ENTHD1: variants seen among roughly 807,000 people sequenced by gnomAD.
ENTHD1 encodes the protein ENTH domain containing 1.
In ENTHD1, 23 loss-of-function variants were observed where a neutral mutation model predicts 39.1. That is an observed-to-expected ratio of 0.59 (90% CI 0.42 to 0.83). The LOEUF (loss-of-function observed/expected upper bound fraction) is 0.83. Ranked by LOEUF, ENTHD1 falls within the 40% of genes least tolerant of loss-of-function variation. ENTHD1 has a pLI of 0.00. For missense variants in ENTHD1, 624 were observed against 705.4 expected (o/e 0.88, Z 1.31); for synonymous variants, 230 against 258.2 (o/e 0.89, Z 1.05).
In ENTHD1 at chr22:39,807,241, C is replaced by T. The variant is rs369927165; in HGVS notation, c.832+13752G>A. Among the ~76,000 whole-genome samples, 272 of 152,260 alleles carry T rather than the reference C, an allele frequency of 1.8e-3. 11 individuals carry two copies. The South Asian group carries it at 0.056, about 31-fold the overall frequency. Reference sequence around the variant, plus strand: ...TCCTACAGCAAGGATCTGGCTGTATCATGTCCTTGCTTAAAACACATCAAA... The same window carrying T: ...TCCTACAGCAAGGATCTGGCTGTATTATGTCCTTGCTTAAAACACATCAAA... On this transcript the variant is annotated intron_variant, in intron 5 of 6. Transcript: ENST00000325157.
intron 5 of ENTHD1, among the ~76,000 whole-genome samples, chr22:39,786,864 CAG>C (rs2065463208): frequency 6.6e-6 from 1 of 152,190 alleles, no homozygotes; most frequent in South Asian, 2.1e-4. Flanking sequence ...TCACAAATGA[CAG>C]GATTTTTTTA....
Position 39,820,983 on chromosome 22 carries a change from A to G in ENTHD1, c.832+10T>C, listed in dbSNP as rs1349908039. 2.5e-6 allele frequency: 4 copies of G among 1,613,748 alleles called. No homozygotes were observed. Among genetic ancestry groups the G allele is most frequent in the Admixed American group, 1.7e-5 (1 of 59,990 alleles). ...TGATAAGTAAACTTCCTATTCCTTA[A>G]CCAATTTACCTGCACCCGAAAGATT... On this transcript the variant is annotated intron_variant, in intron 5 of 6. Transcript: ENST00000325157.
chr22:39,801,405 CA>C (rs2065597399), intron 5 of ENTHD1, among the ~76,000 whole-genome samples: 1 of 152,194 alleles, frequency 6.6e-6, no homozygotes, highest in Non-Finnish European at 1.5e-5. Context: ...ACATCTGCTG[CA>C]AAACTCTCTA....
intron 5 of ENTHD1, among the ~76,000 whole-genome samples, chr22:39,817,178 A>C (rs1427041550): frequency 6.6e-6 from 1 of 152,166 alleles, no homozygotes; most frequent in Non-Finnish European, 1.5e-5. Flanking sequence ...ATTGATACTG[A>C]TATTCTGAAG....
Position 39,765,360 on chromosome 22 carries a change from G to A in ENTHD1, c.1082C>T (p.Ser361Phe). Residue 361 changes from serine to phenylalanine, a missense_variant, in exon 6 of 7, where the codon TCT becomes TTT. Transcript: ENST00000325157. ...KSDSTFHNQA[S>F]VETLCLSPSF... is the part of the protein sequence containing the mutation. ...GGGAGAGAGACAGAGTGTTTCTACA[G>A]AGGCCTGGTTATGGAAAGTAGAATC... 1.2e-6 allele frequency: 2 copies of A among 1,614,032 alleles called. No individual in the cohort carries two copies. The highest frequency in any genetic ancestry group is 2.2e-5 in the East Asian group (1 of 44,874).
intron 2 of ENTHD1, among the ~76,000 whole-genome samples, chr22:39,873,740 T>C (rs926860529): frequency 1.3e-5 from 2 of 152,238 alleles, no homozygotes; most frequent in Non-Finnish European, 2.9e-5. Context: ...ACCATACAGA[T>C]AAGAATGAAC....
chr22:39,762,527 C>T (rs1042215104), intron 6 of ENTHD1, among the ~76,000 whole-genome samples: 4 of 152,060 alleles, frequency 2.6e-5, no homozygotes, highest in Admixed American at 2.6e-4. Context: ...TAATGGCTCC[C>T]TGTAGCCTCA....
intron 2 of ENTHD1, among the ~76,000 whole-genome samples, chr22:39,870,834 G>T (rs369990491): frequency 1.3e-5 from 2 of 152,050 alleles, no homozygotes; most frequent in South Asian, 2.1e-4. Flanking sequence ...ATGTATACGT[G>T]GACAAGGTGC....
intron 5 of ENTHD1, among the ~76,000 whole-genome samples, chr22:39,807,861 G>T (rs1185352177): frequency 1.3e-5 from 2 of 151,472 alleles, no homozygotes; most frequent in Non-Finnish European, 2.9e-5. Flanking sequence ...TGTTTTAGGG[G>T]TGTGTGTGTG....
rs774838989 is a variant in ENTHD1 at position 39,868,099 on chromosome 22, G to GA, written c.350-6093dup. 6.8e-3 allele frequency among the ~76,000 whole-genome samples: 956 copies of GA among 140,450 alleles called. 10 individuals carry two copies. The highest frequency in any genetic ancestry group is 0.025 in the Middle Eastern group (7 of 276). 92.1% of individuals were successfully genotyped at this position (140,450 alleles called of 152,430 possible). Reference sequence around the variant, plus strand: ...GAGAAGCCTGGGAAGAAAAGGAGAAGAAAAAAAAAAAATAGCCATCAACTG... The same window carrying GA: ...GAGAAGCCTGGGAAGAAAAGGAGAAGAAAAAAAAAAAAATAGCCATCAACTG... On this transcript the variant is annotated intron_variant, in intron 2 of 6. Coordinates refer to ENST00000325157, the MANE Select transcript of ENTHD1 (RefSeq NM_152512.4).
intron 3 of ENTHD1, among the ~76,000 whole-genome samples, chr22:39,857,311 G>A (rs775848094): frequency 6.6e-5 from 10 of 151,656 alleles, no homozygotes; most frequent in African/African-American, 2.2e-4. Flanking sequence ...GCGTGATGGC[G>A]TATGCCTGTA....
At chr22:39,884,556 A>C (rs899164175) in intron 2 of ENTHD1, among the ~76,000 whole-genome samples, 1 of 152,120 alleles carries the variant, frequency 6.6e-6, no homozygotes, top group Admixed American at 6.5e-5. Context: ...GAATAGAAAA[A>C]AAAAAAAGCT....
At chr22:39,851,950 A>G (rs538405886) in intron 3 of ENTHD1, among the ~76,000 whole-genome samples, 1 of 152,194 alleles carries the variant, frequency 6.6e-6, no homozygotes, top group East Asian at 1.9e-4. Flanking sequence ...GACCTTTAAT[A>G]TTTTTTACTA....
intron 5 of ENTHD1, among the ~76,000 whole-genome samples, chr22:39,798,047 T>A (rs1399231337): frequency 6.6e-6 from 1 of 152,182 alleles, no homozygotes; most frequent in East Asian, 1.9e-4. Flanking sequence ...TCTCTTCACC[T>A]TCTTGAACAT....
At chr22:39,813,557 A>T (rs1431723146) in intron 5 of ENTHD1, among the ~76,000 whole-genome samples, 1 of 152,228 alleles carries the variant, frequency 6.6e-6, no homozygotes, top group Non-Finnish European at 1.5e-5. Context: ...GAAACTCAAC[A>T]TATAGTCAAG....
At chr22:39,883,611 C>T (rs2066356882) in intron 2 of ENTHD1, among the ~76,000 whole-genome samples, 1 of 151,828 alleles carries the variant, frequency 6.6e-6, no homozygotes, top group African/African-American at 2.4e-5. Flanking sequence ...AGAAGTGAAA[C>T]TATTTGTATA....
Position 39,807,888 on chromosome 22 carries a change from CGTGTGTGTGT to C in ENTHD1, c.832+13095_832+13104del, listed in dbSNP as rs375190088. ...GTGTGTGTGTATATATATATACGTA[CGTGTGTGTGT>C]GTGTGTGTGTGTGTGTATATATATA... On this transcript the variant is annotated intron_variant, in intron 5 of 6. Transcript: ENST00000325157. Among the ~76,000 whole-genome samples, 8 of 146,018 alleles carry C rather than the reference CGTGTGTGTGT, an allele frequency of 5.5e-5. No individual in the cohort carries two copies. In the East Asian group the frequency reaches 6.1e-4, roughly 11 times the overall value.
chr22:39,861,268 A>G (rs1250149827), intron 3 of ENTHD1, among the ~76,000 whole-genome samples: 3 of 152,234 alleles, frequency 2.0e-5, no homozygotes, highest in African/African-American at 7.2e-5. Context: ...GGCTGGGCAC[A>G]GTGGCTCACG....
intron 3 of ENTHD1, among the ~76,000 whole-genome samples, chr22:39,838,583 C>CA (rs1400155433): frequency 6.6e-6 from 1 of 152,054 alleles, no homozygotes; most frequent in Non-Finnish European, 1.5e-5. Flanking sequence ...AGCAATCAGT[C>CA]ACACTCCTAT....
Sources: allele counts gnomAD v4.1 joint callset (sites outside exome capture counted in the v4.1 genomes callset), GRCh38; gene constraint gnomAD v4.1.1; transcripts MANE v1.5; gene names NCBI Gene and HGNC (gene_info 2026-07-23, HGNC 2026-07-21).